ZC3HAV1L: variants seen among roughly 807,000 people sequenced by gnomAD.
The protein encoded by ZC3HAV1L is zinc finger CCCH-type antiviral protein 1-like.
Under a neutral mutation model 28.2 loss-of-function variants are expected in ZC3HAV1L, and 23 were observed. The ratio of observed to expected loss-of-function variants is 0.82; its 90% CI spans 0.59 to 1.16. The LOEUF (loss-of-function observed/expected upper bound fraction) is 1.16. Among genes scored for constraint, ZC3HAV1L ranks in the 50% most tolerant of loss-of-function variants. ZC3HAV1L has a pLI of 0.00. For missense variants in ZC3HAV1L, 376 were observed against 387.7 expected, an observed-to-expected ratio of 0.97 and a Z score of 0.25; for synonymous variants, 180 against 163.4, an observed-to-expected ratio of 1.10 and a Z score of -0.78.
intron 2 of ZC3HAV1L, among the ~76,000 whole-genome samples, chr7:139,031,993 T>C (rs1246995292): frequency 6.6e-6 from 1 of 151,948 alleles, no homozygotes; most frequent in Non-Finnish European, 1.5e-5. Context: ...GAGGATTGCT[T>C]GAGCCCAGGA....
At chr7:139,034,018 A>T in intron 2 of ZC3HAV1L, 1 of 985,438 alleles carries the variant, frequency 1.0e-6, no homozygotes. Context: ...TGTTCCTGAG[A>T]TCAACTCCAG....
chr7:139,022,767 G>A (rs139176400), downstream of ZC3HAV1L, among the ~76,000 whole-genome samples: 20 of 152,346 alleles, frequency 1.3e-4, no homozygotes, highest in African/African-American at 4.8e-4. Flanking sequence ...TGTTAGGCCT[G>A]TAAGAATGCT....
intron 3 of ZC3HAV1L, among the ~76,000 whole-genome samples, chr7:139,027,759 A>T (rs1304916566): frequency 6.6e-6 from 1 of 152,226 alleles, no homozygotes; most frequent in Non-Finnish European, 1.5e-5. Context: ...AATATGGGAA[A>T]ATATGATGTT....
chr7:139,028,591 G>A, intron 3 of ZC3HAV1L, 111 bp downstream of exon 3: 2 of 1,366,070 alleles, frequency 1.5e-6, no homozygotes, highest in South Asian at 1.4e-5. Flanking sequence ...ATTAACATAG[G>A]AACTGCTTTG....
downstream of ZC3HAV1L, among the ~76,000 whole-genome samples, chr7:139,021,972 G>A (rs183744742): frequency 2.6e-5 from 4 of 152,112 alleles, no homozygotes; most frequent in Non-Finnish European, 4.4e-5. Flanking sequence ...TCTAATAATA[G>A]AGATTCCCAT....
intron 2 of ZC3HAV1L, 40 bp from the exon 3 acceptor site, chr7:139,029,000 T>TC: frequency 6.3e-7 from 1 of 1,582,866 alleles, no homozygotes; most frequent in Non-Finnish European, 8.6e-7. Flanking sequence ...TATTAGTTTT[T>TC]CTTTTTTTTT....
At chr7:139,024,412 G>A (rs189033050), downstream of ZC3HAV1L, among the ~76,000 whole-genome samples, 3 of 152,244 alleles carry the variant, frequency 2.0e-5, no homozygotes, top group East Asian at 5.8e-4. Flanking sequence ...TAAAGGAAAT[G>A]CATTTATACC....
chr7:139,034,230 G>A lies in ZC3HAV1L; in HGVS notation c.501+313C>T. 4 of 955,068 alleles carry A rather than the reference G, an allele frequency of 4.2e-6. No individual in the cohort carries two copies. The South Asian group carries it at 1.9e-4, about 46-fold the overall frequency. The allele number at this position is 955,068 out of a possible 1,614,324, so 59.2% of individuals were successfully genotyped here. A position where few individuals can be genotyped will look rare whatever the true frequency, so the allele number is the denominator to read the frequency against. On this transcript the variant is annotated intron_variant, in intron 2 of 4. Transcript: ENST00000275766. ...TTCTTCCCATCCCTCTTCTGGCCAAGTGGAGGTGTCTATGATAGCATCACT... is the reference window on the plus strand; with the variant it reads ...TTCTTCCCATCCCTCTTCTGGCCAAATGGAGGTGTCTATGATAGCATCACT...
At chr7:139,034,345 CTTCT>C (rs769881974) in intron 2 of ZC3HAV1L, among the ~76,000 whole-genome samples, 194 bp downstream of exon 2, 8 of 152,182 alleles carry the variant, frequency 5.3e-5, no homozygotes, top group Non-Finnish European at 8.8e-5. Flanking sequence ...GTTTTTAAAA[CTTCT>C]TTGTGTATGG....
intron 2 of ZC3HAV1L, chr7:139,033,770 A>C: frequency 1.0e-6 from 1 of 985,458 alleles, no homozygotes; most frequent in Non-Finnish European, 1.2e-6. Context: ...TAAAATTAAA[A>C]GGCAAATAGC....
chr7:139,034,113 T>C, intron 2 of ZC3HAV1L: 1 of 985,478 alleles, frequency 1.0e-6, no homozygotes, highest in Non-Finnish European at 1.2e-6. Context: ...CCTCTAGTCT[T>C]GTGGCTATCT....
chr7:139,026,043 G>C lies in ZC3HAV1L; in HGVS notation c.*501C>G, dbSNP rs1442245259. 6.5e-6 allele frequency: 1 copy of C among 153,126 alleles called. No individual in the cohort carries two copies. The highest frequency in any genetic ancestry group is 1.9e-4 in the East Asian group (1 of 5,182). 9.5% of individuals were successfully genotyped at this position (153,126 alleles called of 1,614,324 possible). A position where few individuals can be genotyped will look rare whatever the true frequency, so the allele number is the denominator to read the frequency against. ...CCAGCTACTCAGGAGGCTGAGGTGG[G>C]ATGATCACTTGAGCCCAGGAAGTCA... On this transcript the variant is annotated 3_prime_UTR_variant, in exon 5 of 5. Transcript: ENST00000275766.
intron 2 of ZC3HAV1L, among the ~76,000 whole-genome samples, chr7:139,030,993 G>A (rs1245708880): frequency 6.6e-6 from 1 of 152,068 alleles, no homozygotes; most frequent in African/African-American, 2.4e-5. Flanking sequence ...GGTTTAAAAT[G>A]AAATAGCATC....
At chr7:139,033,628 A>G (rs1815602866) in intron 2 of ZC3HAV1L, 1 of 770,846 alleles carries the variant, frequency 1.3e-6, no homozygotes, top group Non-Finnish European at 1.6e-6. Context: ...CTGCTCACAA[A>G]ACACTGAAGT....
chr7:139,029,192 G>A (rs550165829), intron 2 of ZC3HAV1L, among the ~76,000 whole-genome samples: 20 of 152,058 alleles, frequency 1.3e-4, no homozygotes, highest in Non-Finnish European at 2.6e-4. Context: ...TAGAAGAGAC[G>A]GGGTTTCACC....
intron 2 of ZC3HAV1L, among the ~76,000 whole-genome samples, chr7:139,032,025 T>C (rs1815548764): frequency 6.6e-6 from 1 of 151,712 alleles, no homozygotes; most frequent in African/African-American, 2.4e-5. Context: ...CAGTGAGCTA[T>C]GACCAGCCTG....
intron 3 of ZC3HAV1L, 127 bp downstream of exon 3, chr7:139,028,574 AG>A: frequency 1.6e-6 from 2 of 1,262,802 alleles, no homozygotes; most frequent in South Asian, 2.9e-5. Flanking sequence ...CCAAGAACAA[AG>A]ATGAAATTAA....
chr7:139,025,685 A>T (rs1815333952), downstream of ZC3HAV1L: 1 of 152,234 alleles, frequency 6.6e-6, no homozygotes, highest in Non-Finnish European at 1.5e-5. Flanking sequence ...AATAAGAACA[A>T]TCAGAAAGCA....
downstream of ZC3HAV1L, among the ~76,000 whole-genome samples, chr7:139,022,844 G>C (rs1026084701): frequency 6.6e-6 from 1 of 152,204 alleles, no homozygotes. Context: ...AATTTTGCTA[G>C]GTTGTGAGGT....
Sources: gnomAD v4.1 joint callset for allele counts (sites outside exome capture counted in the v4.1 genomes callset) on GRCh38, gnomAD v4.1.1 for gene constraint, MANE v1.5 for transcripts, NCBI Gene and HGNC (gene_info 2026-07-23, HGNC 2026-07-21) for gene names.